Variants in FAH observed in about 807,000 individuals in gnomAD.
The protein encoded by FAH is fumarylacetoacetase.
Under a neutral mutation model 55.8 loss-of-function variants are expected in FAH, and 47 were observed. The observed-to-expected ratio is 0.84, with a 90% CI of 0.67 to 1.07. The LOEUF is 1.07. Among genes scored for constraint, FAH ranks in the 50% least tolerant of loss-of-function variants. The pLI, the probability that FAH is intolerant of heterozygous loss-of-function variation, is 0.00. For synonymous variants in FAH, 199 were observed against 207.7 expected (o/e 0.96, Z 0.36); for missense variants, 495 against 545.9 (o/e 0.91, Z 0.93).
chr15:80,166,514 A>T (rs2041192935), intron 5 of FAH: 1 of 152,096 alleles, frequency 6.6e-6, no homozygotes, highest in African/African-American at 2.4e-5. Context: ...TTAGTTTACA[A>T]GAGTGTTTTA....
Position 80,168,132 on chromosome 15 carries a change from A to T in FAH, c.536A>T (p.Gln179Leu), listed in dbSNP as rs983733592. The T allele has an allele frequency of 1.2e-6, 2 of 1,613,960 alleles. No homozygotes were observed. The highest frequency in any genetic ancestry group is 1.7e-6 in the Non-Finnish European group (2 of 1,180,020). Residue 179 changes from glutamine to leucine, a missense_variant, in exon 6 of 14, where the codon CAG (glutamine) becomes CTG (leucine). By Grantham distance (113) the Gln-to-Leu change is moderately radical (BLOSUM62 -2). Coordinates refer to ENST00000561421, the MANE Select transcript of FAH (RefSeq NM_000137.4). Reference sequence around the variant, plus strand: ...ACCCCAATCCGAAGGCCCATGGGACAGATGAAACCTGATGACTGTGAGTGA... The same window carrying T: ...ACCCCAATCCGAAGGCCCATGGGACTGATGAAACCTGATGACTGTGAGTGA... ...SGTPIRRPMG[Q>L]MKPDDSKPPV...
chr15:80,175,206 G>C lies in FAH; in HGVS notation c.913+115G>C, dbSNP rs116320979. The C allele has an allele frequency of 2.0e-3, 1,851 of 925,816 alleles. 16 individuals are homozygous for C. The African/African-American group carries it at 0.027, about 14-fold the overall frequency. 57.4% of individuals were successfully genotyped at this position (925,816 alleles called of 1,614,324 possible). The stretch of plus-strand genomic sequence containing the variant: ...GGTGAGGGCACGTGCTACAGCCCTG[G>C]AGATGTGTGTGGCTCGTCTAAAGGA... On this transcript the variant is annotated intron_variant, in intron 10 of 13. Transcript: ENST00000561421.
upstream of FAH, chr15:80,152,855 G>A: frequency 1.8e-6 from 1 of 569,106 alleles, no homozygotes; most frequent in Non-Finnish European, 3.2e-6. Flanking sequence ...GGGGGGAGGG[G>A]CAGGGCTCGG....
At chr15:80,175,679 C>A (rs1241815766) in intron 10 of FAH, among the ~76,000 whole-genome samples, 1 of 152,226 alleles carries the variant, frequency 6.6e-6, no homozygotes, top group Non-Finnish European at 1.5e-5. Flanking sequence ...CCCAATGGGG[C>A]GTTGGTAATA....
chr15:80,171,369 T>C (rs189352006), intron 7 of FAH, among the ~76,000 whole-genome samples: 23 of 147,410 alleles, frequency 1.6e-4, no homozygotes, highest in African/African-American at 5.4e-4. Flanking sequence ...CTGGAAACCA[T>C]CATTCTCAGC....
intron 5 of FAH, among the ~76,000 whole-genome samples, chr15:80,165,055 C>A (rs1461079076): frequency 6.6e-6 from 1 of 152,138 alleles, no homozygotes; most frequent in Non-Finnish European, 1.5e-5. Context: ...TAATACAAGA[C>A]AATTACACAG....
intron 9 of FAH, 172 bp downstream of exon 9, chr15:80,173,316 G>A (rs959648657): frequency 1.2e-6 from 1 of 811,804 alleles, no homozygotes; most frequent in Non-Finnish European, 2.1e-6. Flanking sequence ...CTTCCAGGCA[G>A]CCAGGGCATC....
At chr15:80,155,294 G>A (rs905794219) in intron 1 of FAH, among the ~76,000 whole-genome samples, 1 of 152,200 alleles carries the variant, frequency 6.6e-6, no homozygotes, top group Non-Finnish European at 1.5e-5. Context: ...CTGAGAAGAT[G>A]CTCTCTAAAT....
intron 5 of FAH, 104 bp from the exon 6 acceptor site, chr15:80,167,948 T>A: frequency 1.1e-6 from 1 of 883,082 alleles, no homozygotes; most frequent in South Asian, 1.4e-5. Flanking sequence ...TTTTGAGCCA[T>A]GTGTATGTGG....
intron 9 of FAH, among the ~76,000 whole-genome samples, chr15:80,174,655 GCTTTCAGGCCCAGC>G (rs1319859512): frequency 6.6e-6 from 1 of 152,134 alleles, no homozygotes; most frequent in African/African-American, 2.4e-5. Context: ...CCTGCAATGC[GCTTTCAGGCCCAGC>G]CTTTCCTCAC....
intron 5 of FAH, chr15:80,166,207 C>T (rs1313997436): frequency 6.6e-6 from 1 of 152,132 alleles, no homozygotes; most frequent in African/African-American, 2.4e-5. Flanking sequence ...TCACTGCAGC[C>T]TTGACCTCCC....
chr15:80,167,041 TTTTTTGTG>T (rs1346043688), intron 5 of FAH: 1 of 136,820 alleles, frequency 7.3e-6, no homozygotes, highest in Admixed American at 7.4e-5. Context: ...AATTTGGAAG[TTTTTTGTG>T]TTTTTGTGTT....
At chr15:80,177,300 G>A (rs970655906) in intron 10 of FAH, 2 of 564,236 alleles carry the variant, frequency 3.5e-6, no homozygotes, top group Non-Finnish European at 6.4e-6. Context: ...AACATGTGCT[G>A]TGATCAATTA....
chr15:80,153,359 G>A (rs1053848682), intron 1 of FAH, among the ~76,000 whole-genome samples: 1 of 152,158 alleles, frequency 6.6e-6, no homozygotes, highest in Admixed American at 6.5e-5. Context: ...TTGTCCGCAG[G>A]TTTGCTGAGA....
At chr15:80,163,650 C>T (rs558428135) in intron 5 of FAH, 2 of 152,298 alleles carry the variant, frequency 1.3e-5, no homozygotes, top group South Asian at 4.1e-4. Context: ...TGTACATAGT[C>T]TTTATTATAA....
chr15:80,180,089 C>T (rs2043691), intron 11 of FAH, 35 bp from the exon 12 acceptor site: 6 of 1,538,012 alleles, frequency 3.9e-6, no homozygotes, highest in African/African-American at 1.4e-5. Flanking sequence ...CTAAGCCTGC[C>T]GCTGCTCATT....
At chr15:80,180,288 A>G (rs1338345549) in intron 12 of FAH, 63 bp downstream of exon 12, 2 of 1,331,454 alleles carry the variant, frequency 1.5e-6, no homozygotes, top group Non-Finnish European at 2.1e-6. Context: ...ACACAGCCCC[A>G]AGGGCCCTCA....
At chr15:80,158,222 ATGCCAACAAGAGAATGCTCCT>A (rs1380231824) in intron 2 of FAH, 52 bp downstream of exon 2, 2 of 1,231,240 alleles carry the variant, frequency 1.6e-6, no homozygotes, top group South Asian at 2.4e-5. Context: ...CTTACTGTGG[ATGCCAACAAGAGAATGCTCCT>A]TGCGTTCCAT....
chr15:80,179,081 A>G (rs369804686), intron 11 of FAH, among the ~76,000 whole-genome samples: 29 of 152,318 alleles, frequency 1.9e-4, no homozygotes, highest in Admixed American at 3.3e-4. Context: ...GACTCAGCCT[A>G]GGGGTACTTC....
Sources: gnomAD v4.1 joint callset for allele counts (sites outside exome capture counted in the v4.1 genomes callset) on GRCh38, gnomAD v4.1.1 for gene constraint, MANE v1.5 for transcripts, NCBI Gene and HGNC (gene_info 2026-07-23, HGNC 2026-07-21) for gene names.